Variants in CTSB observed in about 807,000 individuals in gnomAD.
The protein encoded by CTSB is cathepsin B.
A neutral mutation model predicts 44.3 loss-of-function variants in CTSB; 57 were observed. The ratio of observed to expected loss-of-function variants is 1.29; its 90% confidence interval spans 1.04 to 1.60. The LOEUF is 1.60. CTSB is among the 40% of genes most tolerant of loss of function. CTSB has a pLI of 0.00. For synonymous variants in CTSB, 320 were observed against 168.0 expected, an observed-to-expected ratio of 1.91 and a Z score of -7.00; for missense variants, 768 against 443.0, an observed-to-expected ratio of 1.73 and a Z score of -6.59.
In CTSB at chr8:11,847,702, G is replaced by C. The variant is rs1291730346; in HGVS notation, c.653C>G (p.Thr218Ser). The part of the protein sequence containing the change: ...SKICEPGYSP[T>S]YKQDKHYGYN... The stretch of plus-strand genomic sequence containing the variant: ...ACCGTAGTGCTTGTCCTGTTTGTAG[G>C]TCGGGCTGTAGCCAGGCTCACAGAT... Residue 218 changes from threonine to serine, a missense_variant, in exon 7 of 10, where the codon ACC becomes AGC. Thr to Ser is a moderately conservative substitution (Grantham distance 58). Transcript: ENST00000353047. The C allele has an allele frequency of 6.3e-7, 1 of 1,581,422 alleles. No individual in the cohort carries two copies. The highest frequency in any genetic ancestry group is 8.6e-7 in the Non-Finnish European group (1 of 1,166,168).
Position 11,844,115 on chromosome 8 carries a change from G to A in CTSB, c.*1010C>T, listed in dbSNP as rs1812776879. 2 of 152,286 alleles carry A rather than the reference G, an allele frequency of 1.3e-5. No individual in the cohort carries two copies. The highest frequency in any genetic ancestry group is 4.8e-5 in the African/African-American group (2 of 41,466). 9.4% of individuals were successfully genotyped at this position (152,286 alleles called of 1,614,324 possible). On this transcript the variant is annotated 3_prime_UTR_variant, in exon 10 of 10. Transcript: ENST00000353047. ...AAGCTTACCAGGCACTTACAGAGAAGGTTGACGAGGATGACAGGGAACTAA... is the reference window on the plus strand; with the variant it reads ...AAGCTTACCAGGCACTTACAGAGAAAGTTGACGAGGATGACAGGGAACTAA...
chr8:11,863,191 T>A (rs528503223), intron 1 of CTSB, among the ~76,000 whole-genome samples: 8 of 152,256 alleles, frequency 5.3e-5, no homozygotes, highest in Non-Finnish European at 7.4e-5. Flanking sequence ...AGGCTAGCGG[T>A]GGCTCAGGCC....
rs1180412149 is a variant in CTSB, at chr8:11,842,867, C to G, written c.*2258G>C. 1 of 150,708 alleles carries G rather than the reference C, an allele frequency of 6.6e-6. No individual in the cohort carries two copies. Among genetic ancestry groups the G allele is most frequent in the Non-Finnish European group, 1.5e-5 (1 of 67,924 alleles). The allele number at this position is 150,708 out of a possible 1,614,324, so 9.3% of individuals were successfully genotyped here. A position where few individuals can be genotyped will look rare whatever the true frequency, so the allele number is the denominator to read the frequency against. On this transcript the variant is annotated 3_prime_UTR_variant, in exon 10 of 10. Coordinates refer to ENST00000353047, the MANE Select transcript of CTSB (RefSeq NM_001908.5). ...CCAAGGCTGATCTCAAAACTCCTGA[C>G]CTCAGGTGATCTGCCCGCCTCAGCC...
intron 8 of CTSB, among the ~76,000 whole-genome samples, chr8:11,846,607 C>T (rs570255146): frequency 3.3e-5 from 5 of 152,268 alleles, no homozygotes; most frequent in South Asian, 2.1e-4. Flanking sequence ...GTGTGAGGCA[C>T]GATCTAGGCC....
chr8:11,848,455 CAACT>C (rs1324881922), intron 5 of CTSB: 6 of 490,200 alleles, frequency 1.2e-5, no homozygotes, highest in Non-Finnish European at 2.3e-5. Flanking sequence ...CACTGATTCT[CAACT>C]GAGCAGACGC....
At chr8:11,867,299 C>G (rs936856569) in intron 1 of CTSB, 1 of 152,254 alleles carries the variant, frequency 6.6e-6, no homozygotes, top group African/African-American at 2.4e-5. Flanking sequence ...CCTCCCTTTA[C>G]TGGAGTCCAG....
Position 11,845,704 on chromosome 8 carries a change from G to GGA in CTSB, c.878_879insTC (p.Trp294ProfsTer70), listed in dbSNP as rs1563377906. 2 of 1,614,126 alleles carry GGA rather than the reference G, an allele frequency of 1.2e-6. No homozygotes were observed. Among genetic ancestry groups the GGA allele is most frequent in the Admixed American group, 3.3e-5 (2 of 60,020 alleles). The stretch of plus-strand genomic sequence containing the variant: ...TGTTCCAGGAGTTGGCAACCAGCCA[G>GGA]TAGGGTGTGCCATTCTCCACTCCCC... On this transcript the variant is annotated frameshift_variant, in exon 9 of 10. Transcript: ENST00000353047. LOFTEE classifies it high-confidence loss of function.
At chr8:11,848,421 C>T (rs1251670360) in intron 5 of CTSB, 2 of 582,696 alleles carry the variant, frequency 3.4e-6, no homozygotes, top group South Asian at 1.6e-5. Context: ...CCAGACCAGG[C>T]TACGAGTGCC....
chr8:11,854,770 C>A (rs185877525), intron 1 of CTSB: 1 of 152,362 alleles, frequency 6.6e-6, no homozygotes, highest in East Asian at 1.9e-4. Context: ...TGTGAGCCAC[C>A]GCACCCAGCC....
At chr8:11,855,481 A>AC (rs1385501319) in intron 1 of CTSB, among the ~76,000 whole-genome samples, 1 of 152,110 alleles carries the variant, frequency 6.6e-6, no homozygotes, top group African/African-American at 2.4e-5. Flanking sequence ...ACATTGTGAG[A>AC]CCCCATCAAT....
intron 4 of CTSB, among the ~76,000 whole-genome samples, chr8:11,849,782 T>G (rs1425626467): frequency 1.3e-5 from 2 of 152,068 alleles, no homozygotes; most frequent in Non-Finnish European, 2.9e-5. Context: ...GGTTTCACCA[T>G]GTTGGCCAGG....
intron 1 of CTSB, 116 bp from the exon 2 acceptor site, chr8:11,853,595 C>T (rs928271124): frequency 6.0e-5 from 64 of 1,059,268 alleles, no homozygotes; most frequent in African/African-American, 1.2e-4. Context: ...CTGGCCCAGG[C>T]GGAGAACTCT....
chr8:11,848,200 C>A, intron 5 of CTSB, 48 bp from the exon 6 acceptor site: 1 of 1,526,518 alleles, frequency 6.6e-7, no homozygotes, highest in Non-Finnish European at 9.1e-7. Context: ...GCACCACCAG[C>A]TCTCCAGACC....
rs767500114 is a variant in CTSB, at chr8:11,845,236, G to A, written c.923-14C>T. ...TTTTAAAGAAGCCTGGGAATAAAAA[G>A]TAAGGTGCTTTTAAAGTGTGACAAG... On this transcript the variant is annotated splice_polypyrimidine_tract_variant and intron_variant, in intron 9 of 9. Coordinates refer to ENST00000353047, the MANE Select transcript of CTSB (RefSeq NM_001908.5). 6 of 1,593,578 alleles carry A rather than the reference G, an allele frequency of 3.8e-6. No individual in the cohort carries two copies. The highest frequency in any genetic ancestry group is 1.1e-5 in the South Asian group (1 of 90,486).
intron 8 of CTSB, chr8:11,846,375 G>C (rs772585704): frequency 6.6e-6 from 1 of 152,376 alleles, no homozygotes; most frequent in Non-Finnish European, 1.5e-5. Flanking sequence ...CATCTTCACA[G>C]AAACTTTTTC....
At chr8:11,847,562 C>T (rs916922595) in intron 7 of CTSB, 117 bp downstream of exon 7, 6 of 1,167,572 alleles carry the variant, frequency 5.1e-6, no homozygotes, top group South Asian at 3.4e-5. Context: ...CCTCCTCTAT[C>T]CTAGAGTTCC....
intron 1 of CTSB, among the ~76,000 whole-genome samples, chr8:11,860,694 A>C (rs1816284372): frequency 2.0e-5 from 3 of 152,244 alleles, no homozygotes; most frequent in Admixed American, 2.0e-4. Flanking sequence ...CCACAAATGA[A>C]GACTGTGCCT....
chr8:11,856,363 G>A (rs1302649937), intron 1 of CTSB, among the ~76,000 whole-genome samples: 1 of 152,176 alleles, frequency 6.6e-6, no homozygotes, highest in East Asian at 1.9e-4. Context: ...GGGGCACGGT[G>A]GCGCATGCCT....
intron 5 of CTSB, chr8:11,848,424 C>G (rs1241602938): frequency 1.7e-6 from 1 of 576,378 alleles, no homozygotes; most frequent in Admixed American, 2.3e-5. Flanking sequence ...GACCAGGCTA[C>G]GAGTGCCCTT....
Sources: allele counts gnomAD v4.1 joint callset (sites outside exome capture counted in the v4.1 genomes callset), GRCh38; gene constraint gnomAD v4.1.1; transcripts MANE v1.5; gene names NCBI Gene and HGNC (gene_info 2026-07-23, HGNC 2026-07-21).